The following ANAPC1 variants were observed in gnomAD, a reference collection of about 807,000 sequenced individuals.
ANAPC1 encodes anaphase promoting complex subunit 1, also known as anaphase-promoting complex subunit 1.
ANAPC1 carries 36 observed loss-of-function variants against 208.0 expected under a neutral mutation model. The observed-to-expected ratio is 0.17, with a 90% CI of 0.13 to 0.23. The LOEUF is 0.23. ANAPC1 is among the 10% of genes least tolerant of loss of function. The pLI is 1.00. For synonymous variants in ANAPC1, 378 were observed against 695.2 expected (o/e 0.54, Z 7.18); for missense variants, 942 against 2,011.6 (o/e 0.47, Z 10.17).
chr2:111,826,661 A>T (rs111328922), intron 21 of ANAPC1, among the ~76,000 whole-genome samples: 63 of 115,056 alleles, frequency 5.5e-4, no homozygotes, highest in South Asian at 1.5e-3. Flanking sequence ...TTATTTATTT[A>T]TTTATTTTTT....
At chr2:111,883,036 G>C (rs1683396803) in intron 1 of ANAPC1, among the ~76,000 whole-genome samples, 1 of 151,636 alleles carries the variant, frequency 6.6e-6, no homozygotes, top group African/African-American at 2.4e-5. Flanking sequence ...CAGTGATGGC[G>C]GGCGCCTGTA....
intron 18 of ANAPC1, among the ~76,000 whole-genome samples, chr2:111,836,836 C>T (rs1680495373): frequency 6.6e-6 from 1 of 151,764 alleles, no homozygotes; most frequent in Non-Finnish European, 1.5e-5. Context: ...GGCATGGTGG[C>T]ACACACCTGT....
At chr2:111,880,586 A>G (rs1683249496) in intron 2 of ANAPC1, 27 bp downstream of exon 2, 1 of 1,579,946 alleles carries the variant, frequency 6.3e-7, no homozygotes, top group East Asian at 2.3e-5. Flanking sequence ...CTACATTTCA[A>G]AAACACAATG....
At chr2:111,867,953 C>T in intron 7 of ANAPC1, 70 bp downstream of exon 7, 1 of 966,960 alleles carries the variant, frequency 1.0e-6, no homozygotes, top group South Asian at 1.8e-5. Context: ...CATATAAGCG[C>T]CTTTATAACC....
At chr2:111,796,708 C>G (rs1232611492) in intron 34 of ANAPC1, among the ~76,000 whole-genome samples, 1 of 125,412 alleles carries the variant, frequency 8.0e-6, no homozygotes, top group South Asian at 2.4e-4. Flanking sequence ...TTCAAACAGA[C>G]AAGCAGTTTA....
chr2:111,862,848 T>A (rs1393675376), intron 9 of ANAPC1, among the ~76,000 whole-genome samples: 1 of 152,166 alleles, frequency 6.6e-6, no homozygotes, highest in African/African-American at 2.4e-5. Flanking sequence ...TTAGATCATC[T>A]TCTTTTTCGG....
intron 10 of ANAPC1, among the ~76,000 whole-genome samples, chr2:111,861,052 TA>T (rs1682037731): frequency 6.6e-6 from 1 of 152,198 alleles, no homozygotes; most frequent in Non-Finnish European, 1.5e-5. Context: ...ACCAGAGGCC[TA>T]AAGGGCAATC....
At chr2:111,828,677 G>A (rs1235456071) in intron 21 of ANAPC1, among the ~76,000 whole-genome samples, 2 of 152,172 alleles carry the variant, frequency 1.3e-5, no homozygotes, top group African/African-American at 4.8e-5. Context: ...ATTATGCTAA[G>A]TGAAATAAGC....
chr2:111,778,032 T>C (rs1286418917), intron 45 of ANAPC1, among the ~76,000 whole-genome samples: 1 of 152,296 alleles, frequency 6.6e-6, no homozygotes, highest in Non-Finnish European at 1.5e-5. Flanking sequence ...GTTAGAAAAC[T>C]ACTGGCTTGG....
chr2:111,883,485 A>G (rs1336444274), intron 1 of ANAPC1, among the ~76,000 whole-genome samples: 4 of 151,788 alleles, frequency 2.6e-5, no homozygotes, highest in African/African-American at 2.4e-5. Context: ...TTAAATTTAT[A>G]TGCTATAAAT....
chr2:111,875,430 T>C (rs1682970971), intron 3 of ANAPC1, among the ~76,000 whole-genome samples: 1 of 152,186 alleles, frequency 6.6e-6, no homozygotes, highest in African/African-American at 2.4e-5. Flanking sequence ...TCTCAGCCTC[T>C]AAAAGTAAAT....
chr2:111,861,813 G>T (rs1573486740), intron 10 of ANAPC1, among the ~76,000 whole-genome samples: 2 of 118,352 alleles, frequency 1.7e-5, no homozygotes, highest in East Asian at 4.6e-4. Flanking sequence ...CTCACGGATG[G>T]AAATTAACTG....
chr2:111,865,971 T>G (rs897993038), intron 7 of ANAPC1: 1 of 188,446 alleles, frequency 5.3e-6, no homozygotes, highest in Non-Finnish European at 1.1e-5. Flanking sequence ...TTTGGGAGGC[T>G]GAGTCAGGCG....
At chr2:111,796,747 CT>C (rs1396224428) in intron 34 of ANAPC1, among the ~76,000 whole-genome samples, 2 of 113,860 alleles carry the variant, frequency 1.8e-5, no homozygotes, top group Non-Finnish European at 3.6e-5. Flanking sequence ...AAAAATCCTC[CT>C]TTTAACGCTA....
At position 111,833,325 on chromosome 2, in the gene ANAPC1, G is replaced by C; in HGVS notation, c.2385-14C>G. Reference sequence around the variant, plus strand: ...AATTTTAAGTCCCTAAAACAGTAAGGGCATGTAAAAAAGAAGGTATTACAG... The same window carrying C: ...AATTTTAAGTCCCTAAAACAGTAAGCGCATGTAAAAAAGAAGGTATTACAG... On this transcript the variant is annotated splice_polypyrimidine_tract_variant and intron_variant, in intron 19 of 47. Transcript: ENST00000341068. The C allele has an allele frequency of 1.3e-6, 2 of 1,564,740 alleles. No homozygotes were observed. Among genetic ancestry groups the C allele is most frequent in the Non-Finnish European group, 1.7e-6 (2 of 1,146,438 alleles).
intron 16 of ANAPC1, among the ~76,000 whole-genome samples, chr2:111,846,552 T>TAC (rs1681084000): frequency 1.4e-5 from 1 of 70,106 alleles, no homozygotes; most frequent in Non-Finnish European, 2.6e-5. Flanking sequence ...TATATATATA[T>TAC]ATATATATTT....
rs1680646375 is a variant in ANAPC1 at position 111,839,543 on chromosome 2, T to G, written c.2041-1031A>C. Among the ~76,000 whole-genome samples the G allele has an allele frequency of 2.6e-5, 4 of 152,348 alleles. No individual in the cohort carries two copies. The South Asian group carries it at 8.3e-4, about 32-fold the overall frequency. On this transcript the variant is annotated intron_variant, in intron 17 of 47. Coordinates refer to ENST00000341068, the MANE Select transcript of ANAPC1 (RefSeq NM_022662.4). The stretch of plus-strand genomic sequence containing the variant: ...ATCAACTCACTCACCTAAACAGAGT[T>G]GATTTCTATATAAAAACTAAACATA...
At chr2:111,874,236 G>GTT (rs754841383) in intron 3 of ANAPC1, among the ~76,000 whole-genome samples, 57 of 151,232 alleles carry the variant, frequency 3.8e-4, no homozygotes, top group Non-Finnish European at 7.1e-4. Context: ...AGCATTTTGT[G>GTT]TTTTTTTTTA....
intron 10 of ANAPC1, among the ~76,000 whole-genome samples, 172 bp downstream of exon 10, chr2:111,862,217 A>G (rs1265653671): frequency 2.6e-5 from 4 of 152,164 alleles, no homozygotes; most frequent in Admixed American, 6.5e-5. Flanking sequence ...GATCACTTTA[A>G]TATCATTAAT....
Sources: allele counts gnomAD v4.1 joint callset (sites outside exome capture counted in the v4.1 genomes callset), GRCh38; gene constraint gnomAD v4.1.1; transcripts MANE v1.5; gene names NCBI Gene and HGNC (gene_info 2026-07-23, HGNC 2026-07-21).